The following EXT1 variants were observed in gnomAD, a reference collection of about 807,000 sequenced individuals.
The protein encoded by EXT1 is exostosin glycosyltransferase 1.
Under a neutral mutation model 82.5 loss-of-function variants are expected in EXT1, and 20 were observed. That is an observed-to-expected ratio of 0.24 (90% CI 0.17 to 0.35). The LOEUF (loss-of-function observed/expected upper bound fraction) is 0.35. EXT1 is among the 10% of genes least tolerant of loss of function. The pLI, the probability that EXT1 is intolerant of heterozygous loss-of-function variation, is 1.00. For synonymous variants in EXT1, 348 were observed against 350.8 expected (o/e 0.99, Z 0.09); for missense variants, 757 against 936.5 (o/e 0.81, Z 2.50).
At chr8:118,068,704 C>T (rs141284086) in intron 1 of EXT1, among the ~76,000 whole-genome samples, 9 of 152,180 alleles carry the variant, frequency 5.9e-5, no homozygotes, top group Admixed American at 2.6e-4. Context: ...TATTTTTAGG[C>T]GGCAGAATAT....
chr8:118,044,201 T>G (rs929157314), intron 1 of EXT1, among the ~76,000 whole-genome samples: 7 of 152,224 alleles, frequency 4.6e-5, no homozygotes, highest in African/African-American at 1.7e-4. Flanking sequence ...TTTTGTGATC[T>G]CTTTCAGTGT....
intron 8 of EXT1, among the ~76,000 whole-genome samples, chr8:117,810,058 A>T (rs1366364269): frequency 2.6e-5 from 4 of 152,240 alleles, no homozygotes; most frequent in African/African-American, 7.2e-5. Context: ...GATAGCTCTA[A>T]TTTCATGCAG....
In EXT1 at chr8:117,799,725, A is replaced by G; in HGVS notation, c.2228T>C (p.Ile743Thr). The stretch of plus-strand genomic sequence containing the variant: ...CAGCCGGATTCCTCAAAGTCGCTCA[A>G]TGTCTCGGTATTTCTTCCTCAAAAT... ...VSILRKKYRD[I>T]ERL is the part of the protein sequence containing the mutation. The change falls in exon 11 of 11, where the codon ATT (isoleucine) becomes ACT (threonine). Residue 743 changes from isoleucine (I) to threonine (T), a missense_variant. Ile to Thr is a moderately conservative substitution (Grantham distance 89, BLOSUM62 -1). Transcript: ENST00000378204. 1 of 1,613,982 alleles carries G rather than the reference A, an allele frequency of 6.2e-7. No individual in the cohort carries two copies.
chr8:118,066,841 T>C (rs1816996847), intron 1 of EXT1, among the ~76,000 whole-genome samples: 1 of 152,162 alleles, frequency 6.6e-6, no homozygotes, highest in Admixed American at 6.5e-5. Flanking sequence ...CACCCCCTAA[T>C]CTACATTGTT....
chr8:117,937,882 T>G (rs911260139), intron 1 of EXT1, among the ~76,000 whole-genome samples: 1 of 152,214 alleles, frequency 6.6e-6, no homozygotes, highest in African/African-American at 2.4e-5. Context: ...GTAATCAGCC[T>G]GGTATTTCTC....
intron 1 of EXT1, among the ~76,000 whole-genome samples, chr8:117,880,975 T>C (rs529817228): frequency 6.6e-6 from 1 of 152,312 alleles, no homozygotes; most frequent in Middle Eastern, 3.4e-3. Flanking sequence ...TTATGCATCT[T>C]TTAACGCTTT....
intron 1 of EXT1, among the ~76,000 whole-genome samples, chr8:117,939,751 C>A (rs1007196531): frequency 6.6e-6 from 1 of 152,124 alleles, no homozygotes; most frequent in African/African-American, 2.4e-5. Flanking sequence ...TGGTGCATAT[C>A]CTTTATTCCT....
At chr8:117,867,248 G>A (rs1237933967) in intron 1 of EXT1, among the ~76,000 whole-genome samples, 1 of 65,154 alleles carries the variant, frequency 1.5e-5, no homozygotes, top group African/African-American at 5.6e-5. Context: ...GACAGAGTGA[G>A]ACTCCACCTC....
At chr8:118,004,179 A>G (rs185479795) in intron 1 of EXT1, among the ~76,000 whole-genome samples, 1 of 152,332 alleles carries the variant, frequency 6.6e-6, no homozygotes, top group East Asian at 1.9e-4. Context: ...CCTTACTACT[A>G]TTGTTTAAAT....
At position 117,807,297 on chromosome 8, in the gene EXT1, G is replaced by A. The variant is rs1328697115; in HGVS notation, c.1803C>T (p.Asn601=). The change falls in exon 9 of 11, where the codon AAC becomes AAT. Residue 601 remains asparagine (N), a synonymous_variant. Coordinates refer to ENST00000378204, the MANE Select transcript of EXT1 (RefSeq NM_000127.3). ...ATGTGTATCCCCACCGCTCCTTAGA[G>A]TTATCCCAGAAGTGGCTGCGCGCGG... ...GYPARSHFWD[N]SKERWGYTSK... is the part of the protein sequence containing the mutation. The A allele has an allele frequency of 6.2e-7, 1 of 1,614,196 alleles. No individual in the cohort carries two copies. The highest frequency in any genetic ancestry group is 2.2e-5 in the East Asian group (1 of 44,888).
intron 1 of EXT1, among the ~76,000 whole-genome samples, chr8:117,983,266 T>TTAGGAGG (rs1270617937): frequency 6.6e-6 from 1 of 152,132 alleles, no homozygotes; most frequent in East Asian, 1.9e-4. Flanking sequence ...GGAGGATTGT[T>TTAGGAGG]CGAGTCCAGG....
At chr8:118,052,725 T>C (rs753102401) in intron 1 of EXT1, among the ~76,000 whole-genome samples, 3 of 152,218 alleles carry the variant, frequency 2.0e-5, no homozygotes, top group Non-Finnish European at 4.4e-5. Flanking sequence ...CAAAGCAGCA[T>C]AGGTTCATTA....
At chr8:118,066,366 T>G (rs535022390) in intron 1 of EXT1, among the ~76,000 whole-genome samples, 201 of 151,550 alleles carry the variant, frequency 1.3e-3, no homozygotes, top group African/African-American at 4.7e-3. Context: ...ATTTATTTAT[T>G]TATTTATTTA....
chr8:117,867,827 A>G (rs1812800778), intron 1 of EXT1, among the ~76,000 whole-genome samples: 2 of 152,210 alleles, frequency 1.3e-5, no homozygotes, highest in Non-Finnish European at 2.9e-5. Flanking sequence ...GAACACCACC[A>G]TTTATGTGTT....
intron 1 of EXT1, among the ~76,000 whole-genome samples, chr8:118,027,218 A>G (rs1247899171): frequency 2.0e-5 from 3 of 152,186 alleles, no homozygotes; most frequent in Admixed American, 6.5e-5. Context: ...TTACAATGAT[A>G]TATCTATTTG....
chr8:117,912,572 C>T (rs1193069330), intron 1 of EXT1, among the ~76,000 whole-genome samples: 2 of 152,226 alleles, frequency 1.3e-5, no homozygotes, highest in South Asian at 2.1e-4. Flanking sequence ...AACTTGGGGG[C>T]CAGTGTTCAT....
At chr8:117,979,170 T>C (rs528688703) in intron 1 of EXT1, among the ~76,000 whole-genome samples, 1 of 152,172 alleles carries the variant, frequency 6.6e-6, no homozygotes. Context: ...CTGGCCAATA[T>C]GGTGAAATCC....
intron 1 of EXT1, among the ~76,000 whole-genome samples, chr8:118,030,531 G>GAGTC (rs1816292073): frequency 6.6e-6 from 1 of 152,106 alleles, no homozygotes; most frequent in African/African-American, 2.4e-5. Flanking sequence ...GCCCAGGCTG[G>GAGTC]AGTCCAGTGG....
intron 1 of EXT1, among the ~76,000 whole-genome samples, chr8:118,020,625 C>T (rs926680250): frequency 7.2e-6 from 1 of 138,760 alleles, no homozygotes; most frequent in Non-Finnish European, 1.6e-5. Flanking sequence ...ATATGCCCTT[C>T]AGCATTAAGC....
Sources: gnomAD v4.1 joint callset for allele counts (sites outside exome capture counted in the v4.1 genomes callset) on GRCh38, gnomAD v4.1.1 for gene constraint, MANE v1.5 for transcripts, NCBI Gene and HGNC (gene_info 2026-07-23, HGNC 2026-07-21) for gene names.